The following IPCEF1 variants were observed in gnomAD, a reference collection of about 807,000 sequenced individuals.
IPCEF1 encodes the protein interaction protein for cytohesin exchange factors 1, also known as interactor protein for cytohesin exchange factors 1.
Under a neutral mutation model 50.9 loss-of-function variants are expected in IPCEF1, and 31 were observed. That is an observed-to-expected ratio of 0.61 (90% CI 0.46 to 0.82). The LOEUF (loss-of-function observed/expected upper bound fraction) is 0.82. Ranked by LOEUF, IPCEF1 falls within the 40% of genes least tolerant of loss-of-function variation. The pLI, the probability that IPCEF1 is intolerant of heterozygous loss-of-function variation, is 0.00. For missense variants in IPCEF1, 458 were observed against 514.0 expected (o/e 0.89, Z 1.05); for synonymous variants, 181 against 192.0 (o/e 0.94, Z 0.47).
intron 1 of IPCEF1, among the ~76,000 whole-genome samples, chr6:154,336,447 CA>C (rs1783788941): frequency 6.6e-6 from 1 of 152,038 alleles, no homozygotes; most frequent in African/African-American, 2.4e-5. Context: ...TGTTCTCACT[CA>C]CATGTGGAAG....
intron 5 of IPCEF1, among the ~76,000 whole-genome samples, chr6:154,228,813 A>C (rs944475758): frequency 6.6e-6 from 1 of 152,218 alleles, no homozygotes; most frequent in African/African-American, 2.4e-5. Flanking sequence ...ACTTGAGGCC[A>C]GACGTTCAAG....
chr6:154,234,244 T>C (rs1377441937), intron 5 of IPCEF1, among the ~76,000 whole-genome samples: 1 of 152,132 alleles, frequency 6.6e-6, no homozygotes, highest in East Asian at 1.9e-4. Flanking sequence ...AGTTCCTTTT[T>C]CCCTTAGCGT....
chr6:154,222,955 G>A (rs572414202), intron 6 of IPCEF1: 31 of 583,392 alleles, frequency 5.3e-5, no homozygotes, highest in African/African-American at 3.7e-4. Flanking sequence ...ACTTCGTGGG[G>A]GTTTTAAAAT....
At chr6:154,323,461 G>GGTATTTACAAATAAACGTGTATTTA (rs1562289305) in intron 1 of IPCEF1, among the ~76,000 whole-genome samples, 1 of 148,544 alleles carries the variant, frequency 6.7e-6, no homozygotes, top group Non-Finnish European at 1.5e-5. Flanking sequence ...ACATTTCTTT[G>GGTATTTACAAATAAACGTGTATTTA]GTATTTACAA....
intron 1 of IPCEF1, among the ~76,000 whole-genome samples, chr6:154,347,217 C>G (rs906451166): frequency 6.6e-6 from 1 of 152,204 alleles, no homozygotes; most frequent in Non-Finnish European, 1.5e-5. Flanking sequence ...AATTATGTAG[C>G]ATCCTTTTCC....
At chr6:154,219,682 T>A (rs1267261255) in intron 7 of IPCEF1, among the ~76,000 whole-genome samples, 1 of 152,052 alleles carries the variant, frequency 6.6e-6, no homozygotes, top group Admixed American at 6.6e-5. Context: ...GATTTTAACA[T>A]CCTCTCCATT....
intron 3 of IPCEF1, among the ~76,000 whole-genome samples, chr6:154,250,252 T>TAAAA (rs75500632): frequency 8.0e-6 from 1 of 125,360 alleles, no homozygotes. Flanking sequence ...GCTAGGTAAG[T>TAAAA]AAAAAAAAAA....
chr6:154,237,254 A>G (rs1332574627), intron 5 of IPCEF1, among the ~76,000 whole-genome samples: 1 of 152,186 alleles, frequency 6.6e-6, no homozygotes, highest in East Asian at 1.9e-4. Context: ...ATGTGCCCAC[A>G]CCCTCACCAT....
chr6:154,215,675 C>T (rs183071323), intron 7 of IPCEF1, among the ~76,000 whole-genome samples: 2 of 152,054 alleles, frequency 1.3e-5, no homozygotes, highest in East Asian at 3.9e-4. Context: ...CAAAGATGAG[C>T]TCCAGCCTTT....
intron 10 of IPCEF1, among the ~76,000 whole-genome samples, chr6:154,195,147 C>CTTTT (rs10719288): frequency 3.3e-5 from 4 of 122,894 alleles, no homozygotes; most frequent in East Asian, 2.3e-4. Context: ...TCTTTTCTTT[C>CTTTT]TTTTTTTTTT....
intron 7 of IPCEF1, among the ~76,000 whole-genome samples, chr6:154,218,080 T>C (rs895623439): frequency 3.3e-5 from 5 of 152,198 alleles, no homozygotes; most frequent in Admixed American, 6.5e-5. Flanking sequence ...CCTTCTTTGC[T>C]AAGAACTTTT....
At chr6:154,222,084 T>C (rs1377559644) in intron 6 of IPCEF1, among the ~76,000 whole-genome samples, 1 of 152,220 alleles carries the variant, frequency 6.6e-6, no homozygotes, top group East Asian at 1.9e-4. Context: ...TAATCAGGTA[T>C]GGAACGTCCA....
At chr6:154,331,604 C>A (rs1216835542) in intron 1 of IPCEF1, among the ~76,000 whole-genome samples, 2 of 152,082 alleles carry the variant, frequency 1.3e-5, no homozygotes. Flanking sequence ...ATAGAAAACA[C>A]CCGAAGCTGG....
chr6:154,302,987 A>G (rs192352006), intron 1 of IPCEF1, among the ~76,000 whole-genome samples: 19 of 151,974 alleles, frequency 1.3e-4, no homozygotes, highest in African/African-American at 4.3e-4. Flanking sequence ...ATCACTACTT[A>G]TCATCTTTAG....
chr6:154,276,283 G>GA (rs57707458), intron 2 of IPCEF1, among the ~76,000 whole-genome samples: 2 of 132,592 alleles, frequency 1.5e-5, no homozygotes, highest in Non-Finnish European at 1.8e-5. Context: ...AAAAAGAAAA[G>GA]AAAAAAAAAG....
intron 1 of IPCEF1, among the ~76,000 whole-genome samples, chr6:154,338,550 G>A (rs1783837740): frequency 6.6e-6 from 1 of 152,170 alleles, no homozygotes. Context: ...ACAGTCAGAT[G>A]CTTCTAACTA....
At chr6:154,188,385 A>G (rs1427983348) in intron 10 of IPCEF1, among the ~76,000 whole-genome samples, 5 of 152,238 alleles carry the variant, frequency 3.3e-5, no homozygotes, top group Admixed American at 6.5e-5. Flanking sequence ...AAAGAGACCA[A>G]TTTCATGTAC....
intron 5 of IPCEF1, among the ~76,000 whole-genome samples, chr6:154,236,899 G>A (rs534191411): frequency 1.5e-4 from 23 of 152,272 alleles, no homozygotes; most frequent in Admixed American, 3.3e-4. Context: ...CCCCTGCAGC[G>A]TGCCTTTTCC....
Position 154,227,081 on chromosome 6 carries a change from C to T in IPCEF1, c.247-3838G>A, listed in dbSNP as rs144325953. Among the ~76,000 whole-genome samples, 1,040 of 152,084 alleles carry T rather than the reference C, an allele frequency of 6.8e-3. 11 individuals carry two copies. The highest frequency in any genetic ancestry group is 0.024 in the Middle Eastern group (7 of 294). On this transcript the variant is annotated intron_variant, in intron 5 of 11. Coordinates refer to ENST00000367220, the MANE Select transcript of IPCEF1 (RefSeq NM_001130700.2). The stretch of plus-strand genomic sequence containing the variant: ...GGTGTGGTGGCGGACGCCTGTAATC[C>T]CAGCTACTTGGGAGGCTGAGGCTGA...
Sources: allele counts gnomAD v4.1 joint callset (sites outside exome capture counted in the v4.1 genomes callset), GRCh38; gene constraint gnomAD v4.1.1; transcripts MANE v1.5; gene names NCBI Gene and HGNC (gene_info 2026-07-23, HGNC 2026-07-21).